The following RASSF3 variants were observed in gnomAD, a reference collection of about 807,000 sequenced individuals.
RASSF3 encodes Ras association domain family member 3.
A neutral mutation model predicts 19.9 loss-of-function variants in RASSF3; 19 were observed. The observed-to-expected ratio is 0.96, with a 90% CI of 0.67 to 1.40. The LOEUF is 1.40. Ranked by LOEUF, RASSF3 falls within the 40% of genes most tolerant of loss-of-function variation. The pLI, the probability that RASSF3 is intolerant of heterozygous loss-of-function variation, is 0.00. For synonymous variants in RASSF3, 110 were observed against 104.2 expected, an observed-to-expected ratio of 1.06 and a Z score of -0.34; for missense variants, 306 against 289.8, an observed-to-expected ratio of 1.06 and a Z score of -0.41.
chr12:64,556,834 CTT>C (rs5798747), intron 2 of RASSF3, among the ~76,000 whole-genome samples: 41,977 of 113,424 alleles, frequency 0.37, 7,056 homozygotes, highest in Non-Finnish European at 0.45. Context: ...CCCCCTACCC[CTT>C]TTTTTTTTTT....
At chr12:64,526,905 G>T (rs1868600335) in intron 1 of RASSF3, among the ~76,000 whole-genome samples, 1 of 152,186 alleles carries the variant, frequency 6.6e-6, no homozygotes, top group South Asian at 2.1e-4. Context: ...TTGTCTTTCT[G>T]TGCCTGGCTT....
At chr12:64,672,950 G>A (rs1042659442) in intron 1 of RASSF3, among the ~76,000 whole-genome samples, 2 of 152,130 alleles carry the variant, frequency 1.3e-5, no homozygotes, top group South Asian at 2.1e-4. Flanking sequence ...TGGTGGAGCC[G>A]GCTGAGTTTC....
intron 1 of RASSF3, among the ~76,000 whole-genome samples, chr12:64,640,143 A>AT (rs200124852): frequency 0.016 from 2,469 of 152,164 alleles, 65 homozygotes; most frequent in African/African-American, 0.056. Context: ...TAATCAGTTG[A>AT]TTTTTTTAAG....
At chr12:64,541,558 A>G (rs1316286901) in intron 1 of RASSF3, 1 of 398,368 alleles carries the variant, frequency 2.5e-6, no homozygotes, top group Non-Finnish European at 4.4e-6. Flanking sequence ...CTAACTGGGA[A>G]CCTAACGTGC....
intron 1 of RASSF3, among the ~76,000 whole-genome samples, chr12:64,537,076 G>A (rs568697647): frequency 2.8e-4 from 42 of 152,202 alleles, no homozygotes; most frequent in Middle Eastern, 3.4e-3. Context: ...TTGTTTTCTT[G>A]AAGCCTTCTT....
intron 1 of RASSF3, among the ~76,000 whole-genome samples, chr12:64,657,466 A>G (rs1592449982): frequency 6.6e-6 from 1 of 152,366 alleles, no homozygotes; most frequent in East Asian, 1.9e-4. Context: ...GTAAATTTTT[A>G]AAAAGTAAGA....
In RASSF3 at chr12:64,694,837, G is replaced by C. The variant is rs527399439; in HGVS notation, c.642G>C (p.Gln214His). Reference protein sequence around the residue: ...ILDKEEDEQLQNLKRRYTAYR... With the variant: ...ILDKEEDEQLHNLKRRYTAYR... ...ACAAGGAAGAAGATGAACAGCTGCA[G>C]AACCTGAAGAGGCGCTACACAGCCT... Residue 214 changes from glutamine (Q) to histidine (H), a missense_variant, in exon 5 of 5, where the codon CAG (glutamine) becomes CAC (histidine). Transcript: ENST00000542104. The C allele has an allele frequency of 6.2e-7, 1 of 1,614,240 alleles. No individual in the cohort carries two copies. The highest frequency in any genetic ancestry group is 1.1e-5 in the South Asian group (1 of 91,088).
intron 2 of RASSF3, among the ~76,000 whole-genome samples, chr12:64,560,218 C>G (rs1489312786): frequency 1.3e-5 from 2 of 152,210 alleles, no homozygotes; most frequent in Non-Finnish European, 2.9e-5. Flanking sequence ...GGGCCCTGAC[C>G]TTAGCTTAAC....
rs113374605 is a variant in RASSF3 at position 64,616,834 on chromosome 12, G to A, written c.111+6091G>A. ...AGCTTTTAGGACTCCAACAATATTAGCCTTCTCTTTAATTCCTTTCAGGCC... is the reference window on the plus strand; with the variant it reads ...AGCTTTTAGGACTCCAACAATATTAACCTTCTCTTTAATTCCTTTCAGGCC... On this transcript the variant is annotated intron_variant, in intron 1 of 4. Coordinates refer to ENST00000542104, the MANE Select transcript of RASSF3 (RefSeq NM_178169.4). Among the ~76,000 whole-genome samples, 207 of 152,242 alleles carry A rather than the reference G, an allele frequency of 1.4e-3. 1 individual carries two copies. Among genetic ancestry groups the A allele is most frequent in the Non-Finnish European group, 2.7e-3 (183 of 68,012 alleles).
chr12:64,661,211 A>G (rs774913497), intron 1 of RASSF3, among the ~76,000 whole-genome samples: 108 of 152,334 alleles, frequency 7.1e-4, no homozygotes, highest in Middle Eastern at 6.8e-3. Flanking sequence ...TACCTGGTAC[A>G]TAGCAGGTTC....
intron 1 of RASSF3, among the ~76,000 whole-genome samples, chr12:64,630,281 T>C (rs923470164): frequency 1.3e-5 from 2 of 151,938 alleles, no homozygotes; most frequent in African/African-American, 4.8e-5. Context: ...ATCCCAGCAC[T>C]TTGGGAGGCT....
chr12:64,561,987 GTATTTATT>G (rs71092982), intron 2 of RASSF3, among the ~76,000 whole-genome samples: 1,440 of 135,432 alleles, frequency 0.011, 33 homozygotes, highest in African/African-American at 0.035. Context: ...ATGGCCCATA[GTATTTATT>G]TATTTATTTA....
At chr12:64,626,010 C>T (rs551214117) in intron 1 of RASSF3, among the ~76,000 whole-genome samples, 1 of 152,246 alleles carries the variant, frequency 6.6e-6, no homozygotes, top group East Asian at 1.9e-4. Flanking sequence ...TCTCCACCCC[C>T]AACCTCCCCC....
At chr12:64,693,076 C>T (rs1041148216) in intron 4 of RASSF3, among the ~76,000 whole-genome samples, 6 of 150,900 alleles carry the variant, frequency 4.0e-5, no homozygotes, top group African/African-American at 1.5e-4. Context: ...GAAAGATAAT[C>T]TGTTAAAATT....
At chr12:64,638,062 C>T (rs1415900515) in intron 1 of RASSF3, among the ~76,000 whole-genome samples, 1 of 151,786 alleles carries the variant, frequency 6.6e-6, no homozygotes, top group Non-Finnish European at 1.5e-5. Flanking sequence ...CATCTCTTGA[C>T]CTCGTGATCT....
chr12:64,693,770 A>T (rs1027809571), intron 4 of RASSF3, among the ~76,000 whole-genome samples: 3 of 152,226 alleles, frequency 2.0e-5, no homozygotes, highest in Admixed American at 2.0e-4. Context: ...AAGTACTAGG[A>T]GCTGTTAGGG....
At chr12:64,608,387 C>T (rs1489836828), upstream of RASSF3, among the ~76,000 whole-genome samples, 1 of 152,118 alleles carries the variant, frequency 6.6e-6, no homozygotes, top group Non-Finnish European at 1.5e-5. Flanking sequence ...ATGGCGCCAC[C>T]TCGGGTCACT....
chr12:64,544,738 C>T (rs1196556500), downstream of RASSF3, among the ~76,000 whole-genome samples: 4 of 152,164 alleles, frequency 2.6e-5, no homozygotes, highest in Non-Finnish European at 5.9e-5. Flanking sequence ...AACTAGGCAG[C>T]AATATTTATC....
intron 1 of RASSF3, among the ~76,000 whole-genome samples, chr12:64,641,969 C>A (rs1391981502): frequency 6.6e-6 from 1 of 151,818 alleles, no homozygotes; most frequent in African/African-American, 2.4e-5. Context: ...CTCGAACTCC[C>A]GACCTCAGGT....
Sources: allele counts gnomAD v4.1 joint callset (sites outside exome capture counted in the v4.1 genomes callset), GRCh38; gene constraint gnomAD v4.1.1; transcripts MANE v1.5; gene names NCBI Gene and HGNC (gene_info 2026-07-23, HGNC 2026-07-21).